Variants in KCNK2 observed in about 807,000 individuals in gnomAD.
KCNK2 encodes potassium two pore domain channel subfamily K member 2, also known as potassium channel subfamily K member 2.
In KCNK2, 21 loss-of-function variants were observed where a neutral mutation model predicts 40.5. The ratio of observed to expected loss-of-function variants is 0.52; its 90% CI spans 0.37 to 0.75. The LOEUF is 0.75. Among genes scored for constraint, KCNK2 ranks in the 30% least tolerant of loss-of-function variants. KCNK2 has a pLI of 0.00. For missense variants in KCNK2, 399 were observed against 531.6 expected (o/e 0.75, Z 2.45); for synonymous variants, 191 against 202.2 (o/e 0.94, Z 0.47).
chr1:215,010,839 C>T (rs1452985418), intron 1 of KCNK2, among the ~76,000 whole-genome samples: 1 of 145,338 alleles, frequency 6.9e-6, no homozygotes, highest in Non-Finnish European at 1.5e-5. Context: ...ATTGTCTGCT[C>T]ACAGGACACA....
intron 6 of KCNK2, among the ~76,000 whole-genome samples, chr1:215,195,307 C>A (rs1240930325): frequency 6.6e-6 from 1 of 151,574 alleles, no homozygotes; most frequent in East Asian, 1.9e-4. Flanking sequence ...TGTCTCAGAA[C>A]TGAGGGTAAT....
At chr1:215,007,189 A>ATATATATGTATATG (rs1558054258) in intron 1 of KCNK2, among the ~76,000 whole-genome samples, 49 of 22,874 alleles carry the variant, frequency 2.1e-3, no homozygotes, top group African/African-American at 8.5e-3. Flanking sequence ...GTGTGGGTAT[A>ATATATATGTATATG]TATATATATA....
intron 2 of KCNK2, among the ~76,000 whole-genome samples, chr1:215,123,225 T>TTA (rs1558101515): frequency 6.6e-6 from 1 of 151,352 alleles, no homozygotes; most frequent in East Asian, 1.9e-4. Flanking sequence ...AATATGGTAA[T>TTA]AAAAAAAACC....
At chr1:215,216,471 A>G (rs1386857756) in intron 6 of KCNK2, among the ~76,000 whole-genome samples, 6 of 147,724 alleles carry the variant, frequency 4.1e-5, no homozygotes, top group African/African-American at 7.4e-5. Flanking sequence ...ACATATTAGT[A>G]TGTTGTATTT....
At chr1:215,106,400 G>C (rs1363347112) in intron 2 of KCNK2, among the ~76,000 whole-genome samples, 1 of 152,010 alleles carries the variant, frequency 6.6e-6, no homozygotes, top group Non-Finnish European at 1.5e-5. Context: ...TTTGAGAAGT[G>C]TCTGCTCATG....
intron 1 of KCNK2, among the ~76,000 whole-genome samples, chr1:215,057,202 T>C (rs1394461055): frequency 6.7e-6 from 1 of 148,494 alleles, no homozygotes; most frequent in East Asian, 1.9e-4. Context: ...TACAAGTATT[T>C]TTTTTTTTTT....
At chr1:215,007,177 GTGTGTGGGTATATATATATATA>G (rs1656196564) in intron 1 of KCNK2, among the ~76,000 whole-genome samples, 1 of 81,168 alleles carries the variant, frequency 1.2e-5, no homozygotes, top group Non-Finnish European at 2.1e-5. Flanking sequence ...ATATATGTAT[GTGTGTGGGTATATATATATATA>G]TATATATATA....
intron 3 of KCNK2, among the ~76,000 whole-genome samples, chr1:215,157,516 A>G (rs1571676906): frequency 6.6e-6 from 1 of 151,948 alleles, no homozygotes; most frequent in Non-Finnish European, 1.5e-5. Context: ...CATTCCTTCC[A>G]CTCTCTTGTT....
At chr1:215,048,613 A>G (rs1038806117) in intron 1 of KCNK2, among the ~76,000 whole-genome samples, 1 of 152,206 alleles carries the variant, frequency 6.6e-6, no homozygotes, top group Admixed American at 6.5e-5. Context: ...ATTTTATTCA[A>G]GTCAAATGGG....
At chr1:215,214,914 G>A (rs1316748495) in intron 6 of KCNK2, among the ~76,000 whole-genome samples, 1 of 152,074 alleles carries the variant, frequency 6.6e-6, no homozygotes, top group Non-Finnish European at 1.5e-5. Flanking sequence ...GTAGTTTGAA[G>A]GTATTTTAAA....
At position 215,074,275 on chromosome 1, in the gene KCNK2, G is replaced by A. The variant is rs117463097; in HGVS notation, c.35-12093G>A. ...ACAAGTGGTCTTGAGCAAGCCTCAT[G>A]TGGCTCATTTAATCATGATGCAAAA... On this transcript the variant is annotated intron_variant, in intron 1 of 6. Coordinates refer to the KCNK2 transcript ENST00000391895. Among the ~76,000 whole-genome samples, 16 of 152,324 alleles carry A rather than the reference G, an allele frequency of 1.1e-4. 1 individual carries two copies. In the East Asian group the frequency reaches 3.1e-3, roughly 29 times the overall value.
chr1:215,226,716 TGA>T (rs887320721), intron 6 of KCNK2, among the ~76,000 whole-genome samples: 4 of 151,778 alleles, frequency 2.6e-5, no homozygotes, highest in African/African-American at 9.7e-5. Context: ...TGAAAAGTGG[TGA>T]GAGAGGTGAA....
intron 1 of KCNK2, among the ~76,000 whole-genome samples, chr1:215,056,295 T>A (rs11120476): frequency 2.8e-5 from 4 of 140,374 alleles, no homozygotes; most frequent in Non-Finnish European, 6.1e-5. Flanking sequence ...GCAACAAGAG[T>A]GAAACTCCAT....
intron 1 of KCNK2, among the ~76,000 whole-genome samples, chr1:215,075,148 A>G (rs1658883628): frequency 6.6e-6 from 1 of 152,212 alleles, no homozygotes; most frequent in African/African-American, 2.4e-5. Context: ...ATCATATCAG[A>G]CTAAGAACTA....
At chr1:215,201,943 T>G (rs1358414083) in intron 6 of KCNK2, among the ~76,000 whole-genome samples, 1 of 152,202 alleles carries the variant, frequency 6.6e-6, no homozygotes, top group African/African-American at 2.4e-5. Context: ...GACTTTGTAA[T>G]TATTGCTTTG....
At position 215,082,830 on chromosome 1, in the gene KCNK2, C is replaced by T. The variant is rs1282718474; in HGVS notation, c.-556C>T. ...GGCGCCCGGACCGTGCCACACACCC[C>T]CCGCGGGGCACGGAGGGCATTGCGG... On this transcript the variant is annotated 5_prime_UTR_variant, in exon 1 of 7. Coordinates refer to ENST00000444842, the MANE Select transcript of KCNK2 (RefSeq NM_001017425.3). 6.6e-6 allele frequency among the ~76,000 whole-genome samples: 1 copy of T among 152,028 alleles called. No homozygotes were observed. The highest frequency in any genetic ancestry group is 6.5e-5 in the Admixed American group (1 of 15,280).
intron 1 of KCNK2, among the ~76,000 whole-genome samples, chr1:215,052,624 T>A (rs1446722713): frequency 1.3e-5 from 2 of 152,186 alleles, no homozygotes; most frequent in African/African-American, 2.4e-5. Flanking sequence ...GAGATGCTGC[T>A]AAATATCCTG....
intron 2 of KCNK2, among the ~76,000 whole-genome samples, chr1:215,112,967 C>T (rs559339566): frequency 2.0e-4 from 31 of 151,952 alleles, no homozygotes; most frequent in African/African-American, 6.5e-4. Flanking sequence ...AGTCACGTGT[C>T]GCTTAACAGT....
chr1:215,078,437 G>T (rs1239460986), upstream of KCNK2, among the ~76,000 whole-genome samples: 1 of 152,280 alleles, frequency 6.6e-6, no homozygotes, highest in East Asian at 1.9e-4. Flanking sequence ...GCATGGCTGG[G>T]GAGGCCTTAG....
Sources: gnomAD v4.1 joint callset for allele counts (sites outside exome capture counted in the v4.1 genomes callset) on GRCh38, gnomAD v4.1.1 for gene constraint, MANE v1.5 for transcripts, NCBI Gene and HGNC (gene_info 2026-07-23, HGNC 2026-07-21) for gene names.